The following CADPS variants were observed in gnomAD, a reference collection of about 807,000 sequenced individuals.
CADPS encodes calcium dependent secretion activator, also known as calcium-dependent secretion activator 1.
Under a neutral mutation model 167.3 loss-of-function variants are expected in CADPS, and 57 were observed. The ratio of observed to expected loss-of-function variants is 0.34; its 90% CI spans 0.28 to 0.42. The LOEUF (loss-of-function observed/expected upper bound fraction) is 0.42. CADPS is among the 20% of genes least tolerant of loss of function. CADPS has a pLI of 1.00. For missense variants in CADPS, 1,414 were observed against 1,738.1 expected (o/e 0.81, Z 3.32); for synonymous variants, 676 against 635.3 (o/e 1.06, Z -0.96).
intron 1 of CADPS, among the ~76,000 whole-genome samples, chr3:62,817,958 G>T (rs2094705093): frequency 6.6e-6 from 1 of 152,058 alleles, no homozygotes; most frequent in South Asian, 2.1e-4. Flanking sequence ...CAACTCAAGG[G>T]CCCTTTAATA....
chr3:62,521,722 T>C (rs895121786), intron 13 of CADPS, among the ~76,000 whole-genome samples: 8 of 152,202 alleles, frequency 5.3e-5, no homozygotes, highest in Non-Finnish European at 1.2e-4. Flanking sequence ...GTCTTCTTGC[T>C]TTCAGGCTTT....
At chr3:62,692,373 C>T (rs1282413798) in intron 3 of CADPS, among the ~76,000 whole-genome samples, 2 of 89,830 alleles carry the variant, frequency 2.2e-5, no homozygotes, top group Admixed American at 1.4e-4. Context: ...GCCTTGCACA[C>T]TTATGAGTAC....
chr3:62,570,994 G>T, intron 8 of CADPS, 56 bp from the exon 9 acceptor site: 1 of 1,123,234 alleles, frequency 8.9e-7, no homozygotes, highest in South Asian at 1.3e-5. Context: ...GTGAATTGTT[G>T]AACACACTTT....
intron 21 of CADPS, among the ~76,000 whole-genome samples, chr3:62,489,895 C>T (rs150281452): frequency 6.2e-4 from 94 of 152,236 alleles, no homozygotes; most frequent in African/African-American, 2.1e-3. Flanking sequence ...GTTCTACCCT[C>T]ATGAGTGAAA....
intron 6 of CADPS, chr3:62,626,242 AG>A (rs1321637285): frequency 2.0e-5 from 6 of 297,938 alleles, no homozygotes; most frequent in African/African-American, 1.1e-4. Flanking sequence ...AAGCCAGCTA[AG>A]GGGGAAAATG....
chr3:62,799,102 T>C (rs1194204090), intron 1 of CADPS, among the ~76,000 whole-genome samples: 1 of 152,158 alleles, frequency 6.6e-6, no homozygotes, highest in Non-Finnish European at 1.5e-5. Context: ...GTGTCATGTG[T>C]GCCTAACTTG....
At chr3:62,862,438 A>G (rs2080982936) in intron 1 of CADPS, among the ~76,000 whole-genome samples, 1 of 151,972 alleles carries the variant, frequency 6.6e-6, no homozygotes, top group Non-Finnish European at 1.5e-5. Flanking sequence ...GATGGTCTCA[A>G]TCTCTTGTGA....
chr3:62,756,300 C>G (rs1385048975), intron 2 of CADPS, among the ~76,000 whole-genome samples: 1 of 152,186 alleles, frequency 6.6e-6, no homozygotes, highest in Non-Finnish European at 1.5e-5. Flanking sequence ...TTCCTGACCT[C>G]AAGTGATACA....
At chr3:62,724,715 G>A (rs749142764) in intron 3 of CADPS, among the ~76,000 whole-genome samples, 8 of 152,010 alleles carry the variant, frequency 5.3e-5, no homozygotes, top group Non-Finnish European at 1.0e-4. Context: ...CCAGCCCAAG[G>A]GCCCACACAT....
chr3:62,792,200 CTTT>C (rs34746949), intron 1 of CADPS, among the ~76,000 whole-genome samples: 3 of 144,246 alleles, frequency 2.1e-5, no homozygotes, highest in East Asian at 2.0e-4. Flanking sequence ...AGGTGTTTAA[CTTT>C]TTTTTTTTTT....
In CADPS at chr3:62,421,623, C is replaced by T. The variant is rs752593879; in HGVS notation, c.3777+16481G>A. Among the ~76,000 whole-genome samples the T allele has an allele frequency of 1.2e-4, 18 of 152,326 alleles. No homozygotes were observed. The East Asian group carries it at 2.1e-3, about 18-fold the overall frequency. ...ACTTTATTTTAACTTTGATTGGCTTCGTTCCCCCACCCCTCCTGACGCTTC... is the reference window on the plus strand; with the variant it reads ...ACTTTATTTTAACTTTGATTGGCTTTGTTCCCCCACCCCTCCTGACGCTTC... On this transcript the variant is annotated intron_variant, in intron 28 of 29. Coordinates refer to ENST00000383710, the MANE Select transcript of CADPS (RefSeq NM_003716.4). This position sits in a 1 kb window ranked among gnomAD's most constrained non-coding sequence, Gnocchi z 4.7.
chr3:62,526,281 C>A (rs565167660), intron 13 of CADPS, among the ~76,000 whole-genome samples: 1 of 152,248 alleles, frequency 6.6e-6, no homozygotes, highest in East Asian at 1.9e-4. Flanking sequence ...AAGATTCATA[C>A]CCTCTTACAT....
chr3:62,577,675 A>G (rs1026461425), intron 8 of CADPS, among the ~76,000 whole-genome samples: 1 of 152,248 alleles, frequency 6.6e-6, no homozygotes, highest in East Asian at 1.9e-4. Flanking sequence ...CTTGTTCTAA[A>G]TACTGCACAT....
In CADPS at chr3:62,547,590, C is replaced by G. The variant is rs557351346; in HGVS notation, c.1966+2313G>C. 9.5e-5 allele frequency among the ~76,000 whole-genome samples: 9 copies of G among 94,920 alleles called. 1 individual carries two copies. The highest frequency in any genetic ancestry group is 3.7e-4 in the East Asian group (1 of 2,736). The allele number at this position is 94,920 out of a possible 152,430, so 62.3% of individuals were successfully genotyped here. A position where few individuals can be genotyped will look rare whatever the true frequency, so the allele number is the denominator to read the frequency against. On this transcript the variant is annotated intron_variant, in intron 11 of 29. Coordinates refer to ENST00000383710, the MANE Select transcript of CADPS (RefSeq NM_003716.4). ...CCTAGGGATGATATCATTTACGCCC[C>G]CCCCCCCCCGCAAATTCTAACTCTT...
chr3:62,472,103 A>T (rs1177229530), intron 24 of CADPS, among the ~76,000 whole-genome samples: 1 of 152,202 alleles, frequency 6.6e-6, no homozygotes, highest in East Asian at 1.9e-4. Flanking sequence ...CCAGACACAA[A>T]CGGCCACATA....
At chr3:62,635,802 T>G (rs1236239245) in intron 6 of CADPS, among the ~76,000 whole-genome samples, 1 of 152,194 alleles carries the variant, frequency 6.6e-6, no homozygotes, top group African/African-American at 2.4e-5. Flanking sequence ...ATTGGGCCCC[T>G]TCTCAGCTTT....
chr3:62,628,192 T>C (rs985782882), intron 6 of CADPS, among the ~76,000 whole-genome samples: 2 of 152,184 alleles, frequency 1.3e-5, no homozygotes, highest in African/African-American at 2.4e-5. Flanking sequence ...TAAGGCATTA[T>C]ACCAGTTTGT....
At chr3:62,539,571 T>A (rs920961031) in intron 11 of CADPS, among the ~76,000 whole-genome samples, 1 of 151,582 alleles carries the variant, frequency 6.6e-6, no homozygotes, top group African/African-American at 2.4e-5. Flanking sequence ...TGTTTCAAGG[T>A]GCTAATGAAA....
rs150105564 is a variant in CADPS, at chr3:62,610,966, G to C, written c.1326-18218C>G. On this transcript the variant is annotated intron_variant, in intron 6 of 29. Transcript: ENST00000383710. ...TTTTTCGGCTGTCACACAGGGGTGT[G>C]GGGGAGAGAGTAGGACTACTACTGG... Among the ~76,000 whole-genome samples, 51 of 152,142 alleles carry C rather than the reference G, an allele frequency of 3.4e-4. No individual in the cohort carries two copies. The East Asian group carries it at 9.7e-3, about 29-fold the overall frequency.
Sources: gnomAD v4.1 joint callset for allele counts (sites outside exome capture counted in the v4.1 genomes callset) on GRCh38, gnomAD v4.1.1 for gene constraint, Gnocchi (gnomAD v3.1) non-coding constraint, MANE v1.5 for transcripts, NCBI Gene and HGNC (gene_info 2026-07-23, HGNC 2026-07-21) for gene names.